The following MYO10 variants were observed in gnomAD, a reference collection of about 807,000 sequenced individuals.
MYO10 encodes myosin X.
In MYO10, 133 loss-of-function variants were observed where a neutral mutation model predicts 257.3. That is an observed-to-expected ratio of 0.52 (90% CI 0.45 to 0.60). The LOEUF (loss-of-function observed/expected upper bound fraction) is 0.60, where lower values mean the gene tolerates loss of function less well. MYO10 is among the 20% of genes least tolerant of loss of function. MYO10 has a pLI of 0.00. For synonymous variants in MYO10, 1,104 were observed against 1,028.6 expected, an observed-to-expected ratio of 1.07 and a Z score of -1.40; for missense variants, 2,399 against 2,635.7, an observed-to-expected ratio of 0.91 and a Z score of 1.97.
intron 1 of MYO10, among the ~76,000 whole-genome samples, chr5:16,928,631 G>A (rs1182929515): frequency 6.6e-6 from 1 of 151,948 alleles, no homozygotes; most frequent in Non-Finnish European, 1.5e-5. Context: ...GGATCACAAG[G>A]TCTGGAAATC....
At chr5:16,867,102 G>A (rs969284538) in intron 2 of MYO10, among the ~76,000 whole-genome samples, 2 of 152,230 alleles carry the variant, frequency 1.3e-5, no homozygotes, top group Non-Finnish European at 2.9e-5. Context: ...TGAGAAGCCT[G>A]GAATGCAGCT....
chr5:16,921,624 GA>G (rs1745987321), intron 1 of MYO10, among the ~76,000 whole-genome samples: 1 of 106,410 alleles, frequency 9.4e-6, no homozygotes, highest in African/African-American at 3.5e-5. Flanking sequence ...CTGGAAAAAA[GA>G]AAAGGAAAAA....
chr5:16,745,286 G>C lies in MYO10; in HGVS notation c.1929+9542C>G, dbSNP rs567728863. Among the ~76,000 whole-genome samples the C allele has an allele frequency of 3.3e-5, 5 of 152,302 alleles. No homozygotes were observed. The South Asian group carries it at 1.0e-3, about 32-fold the overall frequency. On this transcript the variant is annotated intron_variant, in intron 19 of 40. Coordinates refer to ENST00000513610, the MANE Select transcript of MYO10 (RefSeq NM_012334.3). ...ACCCGGGGGAGGTGGAGGTTGCAGT[G>C]AGCCAAGATCGTGCCACTGCACTCC...
chr5:16,726,660 G>A (rs762016484), intron 19 of MYO10, among the ~76,000 whole-genome samples: 13 of 152,104 alleles, frequency 8.5e-5, no homozygotes, highest in Non-Finnish European at 1.5e-4. Flanking sequence ...TAGTTCCAAC[G>A]TATTCATTAT....
At position 16,680,108 on chromosome 5, in the gene MYO10, C is replaced by A. The variant is rs747447551; in HGVS notation, c.4385-4G>T. On this transcript the variant is annotated splice_region_variant and splice_polypyrimidine_tract_variant and intron_variant, in intron 32 of 40. Transcript: ENST00000513610. ...TACACGGTGACGTTCCAGTAGCCTG[C>A]AATGGCAGGGGTGCCCAGCACACGC... 4 of 1,607,132 alleles carry A rather than the reference C, an allele frequency of 2.5e-6. No homozygotes were observed. The East Asian group carries it at 9.0e-5, about 36-fold the overall frequency.
At chr5:16,711,386 G>C (rs1738611193) in intron 19 of MYO10, 141 bp from the exon 20 acceptor site, 1 of 882,874 alleles carries the variant, frequency 1.1e-6, no homozygotes, top group Non-Finnish European at 1.7e-6. Flanking sequence ...CAGAAATAGA[G>C]ACTAGCACAG....
intron 21 of MYO10, among the ~76,000 whole-genome samples, chr5:16,706,938 T>C (rs1238744819): frequency 6.6e-6 from 1 of 152,204 alleles, no homozygotes; most frequent in Admixed American, 6.6e-5. Context: ...GGTTTGGCTG[T>C]GTCCCCACTC....
At chr5:16,685,555 ATATT>A (rs1420045670) in intron 29 of MYO10, among the ~76,000 whole-genome samples, 179 bp downstream of exon 29, 1 of 152,036 alleles carries the variant, frequency 6.6e-6, no homozygotes, top group African/African-American at 2.4e-5. Context: ...ACCACTTATT[ATATT>A]TATTATTGTA....
At chr5:16,761,318 G>T in intron 17 of MYO10, 146 bp downstream of exon 17, 1 of 651,986 alleles carries the variant, frequency 1.5e-6, no homozygotes, top group Non-Finnish European at 2.7e-6. Flanking sequence ...ATACTTTTGA[G>T]TTACTTCATT....
chr5:16,762,026 T>A lies in MYO10; in HGVS notation c.1656+19A>T. The A allele has an allele frequency of 6.7e-7, 1 of 1,503,660 alleles. No individual in the cohort carries two copies. Among genetic ancestry groups the A allele is most frequent in the Non-Finnish European group, 8.8e-7 (1 of 1,133,562 alleles). 93.1% of individuals were successfully genotyped at this position (1,503,660 alleles called of 1,614,324 possible). On this transcript the variant is annotated intron_variant, in intron 16 of 40. Transcript: ENST00000513610. ...TACCAAACAGGCAAATATCAATAGG[T>A]ATCTTAATAAAAAGTTACCTCTCCA...
chr5:16,823,157 A>G (rs889029622), intron 2 of MYO10, among the ~76,000 whole-genome samples: 1 of 148,998 alleles, frequency 6.7e-6, no homozygotes, highest in African/African-American at 2.5e-5. Flanking sequence ...GAATGGCATT[A>G]CTGGCTGGGC....
At chr5:16,842,576 C>T (rs371324440) in intron 2 of MYO10, among the ~76,000 whole-genome samples, 25 of 152,260 alleles carry the variant, frequency 1.6e-4, no homozygotes, top group African/African-American at 6.0e-4. Context: ...GGTAAGAATA[C>T]TTCCCCCTTC....
intron 2 of MYO10, among the ~76,000 whole-genome samples, chr5:16,822,903 G>T (rs371640069): frequency 6.6e-6 from 1 of 151,478 alleles, no homozygotes; most frequent in Non-Finnish European, 1.5e-5. Flanking sequence ...TAGCCAGGAC[G>T]GTCTCGATCT....
chr5:16,662,153 T>G lies in MYO10; in HGVS notation c.*4539A>C, dbSNP rs1326843972. 1.3e-5 allele frequency: 2 copies of G among 151,972 alleles called. No homozygotes were observed. The highest frequency in any genetic ancestry group is 2.9e-5 in the Non-Finnish European group (2 of 68,018). 9.4% of individuals were successfully genotyped at this position (151,972 alleles called of 1,614,324 possible). A position where few individuals can be genotyped will look rare whatever the true frequency, so the allele number is the denominator to read the frequency against. On this transcript the variant is annotated 3_prime_UTR_variant, in exon 41 of 41. Transcript: ENST00000513610. ...TTTTGTCCCCTATTACAGTATAAAC[T>G]TTTGGTGAATAGGGATTTTCAAATT...
chr5:16,730,612 A>C (rs1455066203), intron 19 of MYO10, among the ~76,000 whole-genome samples: 1 of 152,216 alleles, frequency 6.6e-6, no homozygotes, highest in Non-Finnish European at 1.5e-5. Flanking sequence ...GGGATGCCAA[A>C]ACCAGAGGGA....
chr5:16,668,887 G>A (rs1736303895), intron 39 of MYO10, among the ~76,000 whole-genome samples: 2 of 152,152 alleles, frequency 1.3e-5, no homozygotes, highest in Non-Finnish European at 2.9e-5. Context: ...TTTGCGGATG[G>A]TTAGTCTTCA....
At chr5:16,832,443 T>C (rs1743189083) in intron 2 of MYO10, among the ~76,000 whole-genome samples, 2 of 152,076 alleles carry the variant, frequency 1.3e-5, no homozygotes, top group South Asian at 4.1e-4. Flanking sequence ...AAACAAAAGA[T>C]CTACCCAAGG....
Position 16,835,501 on chromosome 5 carries a change from T to G in MYO10, c.121-17334A>C, listed in dbSNP as rs950363167. On this transcript the variant is annotated intron_variant, in intron 2 of 40. Transcript: ENST00000513610. ...AAAGTCATTTTTGGCTGTTTTTTTT[T>G]TTTTTTTTTTTTTTGGTGAGATATG... 4.1e-4 allele frequency among the ~76,000 whole-genome samples: 59 copies of G among 145,254 alleles called. No individual in the cohort carries two copies. In the South Asian group the frequency reaches 0.013, roughly 33 times the overall value.
Position 16,694,438 on chromosome 5 carries a change from T to C in MYO10, c.3733A>G (p.Lys1245Glu), listed in dbSNP as rs1463368419. 2 of 1,613,918 alleles carry C rather than the reference T, an allele frequency of 1.2e-6. No homozygotes were observed. Among genetic ancestry groups the C allele is most frequent in the Non-Finnish European group, 1.7e-6 (2 of 1,179,912 alleles). ...KKRWFVLRQS[K>E]LMYFENDSEE... Reference sequence around the variant, plus strand: ...CTGTCGTTTTCAAAGTACATCAGCTTGGACTGGCGGAGGACAAACCAGCGC... The same window carrying C: ...CTGTCGTTTTCAAAGTACATCAGCTCGGACTGGCGGAGGACAAACCAGCGC... Residue 1245 changes from lysine to glutamate, a missense_variant, in exon 27 of 41, where the codon AAG becomes GAG. Transcript: ENST00000513610.
Sources: gnomAD v4.1 joint callset for allele counts (sites outside exome capture counted in the v4.1 genomes callset) on GRCh38, gnomAD v4.1.1 for gene constraint, MANE v1.5 for transcripts, NCBI Gene and HGNC (gene_info 2026-07-23, HGNC 2026-07-21) for gene names.